The following UBE2L3 variants were observed in gnomAD, a reference collection of about 807,000 sequenced individuals.
The protein encoded by UBE2L3 is ubiquitin conjugating enzyme E2 L3.
A neutral mutation model predicts 17.8 loss-of-function variants in UBE2L3; 1 was observed. The observed-to-expected ratio is 0.06, with a 90% CI of 0.02 to 0.27. The LOEUF (loss-of-function observed/expected upper bound fraction) is 0.27, where lower values mean the gene tolerates loss of function less well. Among genes scored for constraint, UBE2L3 ranks in the 10% least tolerant of loss-of-function variants. The pLI, the probability that UBE2L3 is intolerant of heterozygous loss-of-function variation, is 1.00. For synonymous variants in UBE2L3, 44 were observed against 68.5 expected (o/e 0.64, Z 1.76); for missense variants, 40 against 192.6 (o/e 0.21, Z 4.69).
chr22:21,611,165 C>T, intron 3 of UBE2L3, 122 bp downstream of exon 3: 2 of 1,175,850 alleles, frequency 1.7e-6, no homozygotes, highest in South Asian at 1.7e-5. Context: ...AAAAATGTAG[C>T]TGAGGTCCTG....
intron 1 of UBE2L3, among the ~76,000 whole-genome samples, chr22:21,576,957 C>T (rs1927339869): frequency 6.6e-6 from 1 of 151,698 alleles, no homozygotes; most frequent in Non-Finnish European, 1.5e-5. Context: ...GCGTGTGCCA[C>T]CATGCCTGGC....
At chr22:21,596,139 C>G (rs1349241460) in intron 2 of UBE2L3, among the ~76,000 whole-genome samples, 1 of 152,122 alleles carries the variant, frequency 6.6e-6, no homozygotes, top group African/African-American at 2.4e-5. Flanking sequence ...GCTGGGATTA[C>G]AAGCGTGAGC....
intron 1 of UBE2L3, among the ~76,000 whole-genome samples, chr22:21,578,836 A>G (rs926773936): frequency 2.6e-5 from 4 of 152,190 alleles, no homozygotes; most frequent in African/African-American, 9.6e-5. Context: ...GTGCTGTGAT[A>G]GAGTAAGAGT....
At chr22:21,575,631 CTTT>C (rs533923826) in intron 1 of UBE2L3, among the ~76,000 whole-genome samples, 253 of 73,336 alleles carry the variant, frequency 3.4e-3, no homozygotes, top group African/African-American at 0.014. Flanking sequence ...AGTTGAATAG[CTTT>C]TTTTTTTTTT....
At chr22:21,569,229 C>T (rs1926822891) in intron 1 of UBE2L3, among the ~76,000 whole-genome samples, 2 of 152,058 alleles carry the variant, frequency 1.3e-5, no homozygotes, top group South Asian at 4.2e-4. Flanking sequence ...AACCCTGTCT[C>T]TACTAAAAAT....
intron 1 of UBE2L3, among the ~76,000 whole-genome samples, chr22:21,556,349 C>A (rs1293633477): frequency 6.6e-6 from 1 of 152,192 alleles, no homozygotes; most frequent in Non-Finnish European, 1.5e-5. Flanking sequence ...GAGCAATGAT[C>A]ATGCCACTGC....
At chr22:21,563,579 C>CTTT (rs536786477), upstream of UBE2L3, among the ~76,000 whole-genome samples, 7 of 133,612 alleles carry the variant, frequency 5.2e-5, no homozygotes, top group Admixed American at 7.4e-5. Context: ...AAAATTAATA[C>CTTT]TTTTTTTTTT....
chr22:21,555,589 C>G (rs1345643841), intron 1 of UBE2L3: 1 of 154,652 alleles, frequency 6.5e-6, no homozygotes, highest in Non-Finnish European at 1.4e-5. Flanking sequence ...CATGCCATTG[C>G]ACTCTAGCCT....
chr22:21,573,732 C>A (rs1927110159), intron 1 of UBE2L3, among the ~76,000 whole-genome samples: 1 of 152,136 alleles, frequency 6.6e-6, no homozygotes, highest in Non-Finnish European at 1.5e-5. Flanking sequence ...TTTGAGGAGC[C>A]CCAGAGACCA....
At chr22:21,590,794 C>T (rs1371565552) in intron 1 of UBE2L3, among the ~76,000 whole-genome samples, 1 of 152,182 alleles carries the variant, frequency 6.6e-6, no homozygotes, top group Non-Finnish European at 1.5e-5. Flanking sequence ...CCAAACACAG[C>T]ATTGGAACTG....
chr22:21,615,779 A>G (rs1483818929), intron 3 of UBE2L3, among the ~76,000 whole-genome samples: 1 of 152,150 alleles, frequency 6.6e-6, no homozygotes, highest in African/African-American at 2.4e-5. Context: ...GAAGTACCCC[A>G]TGCACGTGTT....
intron 3 of UBE2L3, among the ~76,000 whole-genome samples, chr22:21,612,057 G>C (rs369971351): frequency 6.6e-6 from 1 of 152,166 alleles, no homozygotes; most frequent in South Asian, 2.1e-4. Context: ...ACCTGCACAG[G>C]GATTGAGGAG....
At chr22:21,588,897 C>T (rs1467696078) in intron 1 of UBE2L3, among the ~76,000 whole-genome samples, 3 of 152,038 alleles carry the variant, frequency 2.0e-5, no homozygotes, top group African/African-American at 7.2e-5. Context: ...CTCCTGACCT[C>T]GTGATCTACC....
chr22:21,588,305 C>T (rs1928057399), intron 1 of UBE2L3, among the ~76,000 whole-genome samples: 1 of 152,106 alleles, frequency 6.6e-6, no homozygotes, highest in Non-Finnish European at 1.5e-5. Context: ...TCCTTCAATT[C>T]CTTCCCTAAT....
intron 1 of UBE2L3, among the ~76,000 whole-genome samples, chr22:21,559,253 C>T (rs1422965710): frequency 1.3e-5 from 2 of 152,240 alleles, no homozygotes; most frequent in South Asian, 2.1e-4. Flanking sequence ...GAGGCTGAGG[C>T]AGGAGAATTG....
At chr22:21,576,801 CTTTTTTT>C (rs757829734) in intron 1 of UBE2L3, among the ~76,000 whole-genome samples, 5 of 118,142 alleles carry the variant, frequency 4.2e-5, no homozygotes, top group Non-Finnish European at 8.3e-5. Flanking sequence ...CTTCTCTTTC[CTTTTTTT>C]TTTTTTTTTT....
chr22:21,621,881 T>G lies in UBE2L3; in HGVS notation c.*212T>G. On this transcript the variant is annotated 3_prime_UTR_variant, in exon 4 of 4. Coordinates refer to ENST00000342192, the MANE Select transcript of UBE2L3 (RefSeq NM_003347.4). ...AAAATTTAAGATGTTCTAGTTCTGC[T>G]CTCTTTGTTTTAAAAATCACTGCTT... is the stretch of plus-strand genomic sequence containing the variant. 2.1e-6 allele frequency: 1 copy of G among 486,224 alleles called. No homozygotes were observed. Among genetic ancestry groups the G allele is most frequent in the East Asian group, 3.8e-5 (1 of 26,198 alleles). The allele number at this position is 486,224 out of a possible 1,614,324, so 30.1% of individuals were successfully genotyped here. A position where few individuals can be genotyped will look rare whatever the true frequency, so the allele number is the denominator to read the frequency against.
intron 1 of UBE2L3, among the ~76,000 whole-genome samples, chr22:21,561,357 C>T (rs1490341453): frequency 2.0e-5 from 3 of 152,304 alleles, no homozygotes; most frequent in Non-Finnish European, 2.9e-5. Context: ...GGGAGAATCT[C>T]TTGAGTCCAT....
In UBE2L3 at chr22:21,596,755, G is replaced by A. The variant is rs1306861931; in HGVS notation, c.123+3799G>A. Among the ~76,000 whole-genome samples the A allele has an allele frequency of 2.6e-5, 4 of 152,138 alleles. No individual in the cohort carries two copies. The East Asian group carries it at 7.7e-4, about 29-fold the overall frequency. ...ACCCATCTCAGCCTCTCAAAGTGCT[G>A]GGATTATAGGCATAAGCCATTGCGC... On this transcript the variant is annotated intron_variant, in intron 2 of 3. Coordinates refer to ENST00000342192, the MANE Select transcript of UBE2L3 (RefSeq NM_003347.4).
Sources: gnomAD v4.1 joint callset for allele counts (sites outside exome capture counted in the v4.1 genomes callset) on GRCh38, gnomAD v4.1.1 for gene constraint, MANE v1.5 for transcripts, NCBI Gene and HGNC (gene_info 2026-07-23, HGNC 2026-07-21) for gene names.